The following STPG2 variants were observed in gnomAD, a reference collection of about 807,000 sequenced individuals.
The protein encoded by STPG2 is sperm tail PG-rich repeat containing 2, also known as sperm-tail PG-rich repeat-containing protein 2.
Under a neutral mutation model 54.2 loss-of-function variants are expected in STPG2, and 56 were observed. The ratio of observed to expected loss-of-function variants is 1.03; its 90% CI spans 0.83 to 1.29. The LOEUF (loss-of-function observed/expected upper bound fraction) is 1.29, where lower values mean the gene tolerates loss of function less well. Among genes scored for constraint, STPG2 ranks in the 50% most tolerant of loss-of-function variants. The pLI is 0.00. For synonymous variants in STPG2, 200 were observed against 181.8 expected (o/e 1.10, Z -0.81); for missense variants, 596 against 544.9 (o/e 1.09, Z -0.93).
chr4:97,557,612 T>C (rs1732111149), downstream of STPG2, among the ~76,000 whole-genome samples: 2 of 152,010 alleles, frequency 1.3e-5, no homozygotes, highest in South Asian at 4.1e-4. Context: ...ACCCTTAACC[T>C]TAGCATCACA....
At position 97,570,412 on chromosome 4, in the gene STPG2, G is replaced by A. The variant is rs576031361; in HGVS notation, c.1321-11295C>T. On this transcript the variant is annotated intron_variant, in intron 10 of 10. Transcript: ENST00000295268. ...TTTCTTCCCCAAAATATAAATGATT[G>A]TTGAGCTGAAGACAACTAACAAGAA... 1.2e-3 allele frequency among the ~76,000 whole-genome samples: 186 copies of A among 152,176 alleles called. 2 individuals are homozygous for A. The South Asian group carries it at 0.018, about 15-fold the overall frequency.
chr4:97,935,775 G>C (rs1732727208), intron 8 of STPG2, among the ~76,000 whole-genome samples: 2 of 152,128 alleles, frequency 1.3e-5, no homozygotes, highest in Non-Finnish European at 2.9e-5. Flanking sequence ...TTTTGCATTT[G>C]CTGAGGAGTG....
At chr4:97,450,995 A>G (rs1182795137) in intron 4 of STPG2, among the ~76,000 whole-genome samples, 1 of 152,178 alleles carries the variant, frequency 6.6e-6, no homozygotes, top group African/African-American at 2.4e-5. Context: ...GGTTAGAATT[A>G]CCTTCTGGAG....
chr4:97,583,865 C>G (rs1330746380), intron 10 of STPG2, among the ~76,000 whole-genome samples: 2 of 151,842 alleles, frequency 1.3e-5, no homozygotes, highest in East Asian at 3.9e-4. Context: ...TGGGAGCTCC[C>G]AAATTTATAA....
intron 10 of STPG2, among the ~76,000 whole-genome samples, chr4:97,662,573 C>T (rs1007460575): frequency 6.6e-5 from 10 of 152,216 alleles, no homozygotes; most frequent in Middle Eastern, 3.4e-3. Context: ...ATGTTCACTG[C>T]GATGCTATTC....
chr4:97,535,950 T>A (rs1048513013), intron 4 of STPG2, among the ~76,000 whole-genome samples: 1 of 152,156 alleles, frequency 6.6e-6, no homozygotes, highest in African/African-American at 2.4e-5. Flanking sequence ...TTAAGTTGAA[T>A]AGTTTATTTT....
chr4:98,021,560 C>T (rs189737234), intron 5 of STPG2, among the ~76,000 whole-genome samples: 30 of 152,172 alleles, frequency 2.0e-4, no homozygotes, highest in Admixed American at 1.0e-3. Flanking sequence ...GAGTTTAATT[C>T]CTGGGTATCC....
chr4:97,595,750 C>A (rs1188486498), intron 10 of STPG2, among the ~76,000 whole-genome samples: 9 of 152,114 alleles, frequency 5.9e-5, no homozygotes, highest in Admixed American at 3.3e-4. Context: ...ACCTATCTTA[C>A]AAGTGGTCCT....
intron 5 of STPG2, among the ~76,000 whole-genome samples, chr4:98,056,162 A>G (rs1015686762): frequency 6.6e-6 from 1 of 152,142 alleles, no homozygotes; most frequent in Non-Finnish European, 1.5e-5. Flanking sequence ...GCACAGAGCC[A>G]ACAAGCCCCA....
intron 8 of STPG2, among the ~76,000 whole-genome samples, chr4:97,858,647 G>T (rs1729406650): frequency 6.6e-6 from 1 of 152,108 alleles, no homozygotes; most frequent in Admixed American, 6.6e-5. Flanking sequence ...TGAGAACGTA[G>T]ACATTTGGTT....
intron 8 of STPG2, among the ~76,000 whole-genome samples, chr4:97,915,628 T>A (rs549942023): frequency 6.6e-6 from 1 of 151,944 alleles, no homozygotes; most frequent in African/African-American, 2.4e-5. Context: ...GGAAGGCTTA[T>A]GTTTGACAGA....
intron 3 of STPG2, among the ~76,000 whole-genome samples, chr4:98,122,822 C>A (rs7657490): frequency 6.6e-6 from 1 of 151,690 alleles, no homozygotes; most frequent in African/African-American, 2.4e-5. Context: ...GGGCTTTTTT[C>A]GGTTGGTAGG....
chr4:98,037,052 T>C (rs1053862210), intron 5 of STPG2, among the ~76,000 whole-genome samples: 1 of 151,942 alleles, frequency 6.6e-6, no homozygotes, highest in Non-Finnish European at 1.5e-5. Flanking sequence ...TAGACAAATA[T>C]CTCTCCCAAG....
At chr4:97,576,503 G>A (rs1578400530) in intron 10 of STPG2, among the ~76,000 whole-genome samples, 1 of 151,990 alleles carries the variant, frequency 6.6e-6, no homozygotes, top group African/African-American at 2.4e-5. Flanking sequence ...ATGGGGAAAG[G>A]ACTCCCTTTT....
chr4:98,044,901 G>T (rs1369492799), intron 5 of STPG2, among the ~76,000 whole-genome samples: 1 of 152,086 alleles, frequency 6.6e-6, no homozygotes, highest in Admixed American at 6.6e-5. Context: ...TGGCCATCTA[G>T]CATTCCACAC....
intron 10 of STPG2, among the ~76,000 whole-genome samples, chr4:97,624,611 T>A (rs1012108212): frequency 4.6e-5 from 7 of 152,224 alleles, no homozygotes; most frequent in Admixed American, 1.3e-4. Flanking sequence ...CTGTGCAAAA[T>A]CTCTTTAGTT....
At chr4:98,124,032 G>A (rs1472470585) in intron 3 of STPG2, among the ~76,000 whole-genome samples, 1 of 152,042 alleles carries the variant, frequency 6.6e-6, no homozygotes, top group Non-Finnish European at 1.5e-5. Flanking sequence ...CATTAGCTTG[G>A]TAAATGTTCC....
intron 8 of STPG2, among the ~76,000 whole-genome samples, chr4:97,919,416 T>C (rs1238169822): frequency 1.3e-5 from 2 of 150,460 alleles, no homozygotes; most frequent in South Asian, 4.2e-4. Context: ...TAAATATTGA[T>C]AAACTCCTAG....
intron 8 of STPG2, among the ~76,000 whole-genome samples, chr4:97,855,110 C>T (rs1048016651): frequency 3.9e-5 from 6 of 152,072 alleles, no homozygotes; most frequent in African/African-American, 7.2e-5. Context: ...GCATTGTACT[C>T]CATGGTGTAT....
Sources: allele counts gnomAD v4.1 joint callset (sites outside exome capture counted in the v4.1 genomes callset), GRCh38; gene constraint gnomAD v4.1.1; transcripts MANE v1.5; gene names NCBI Gene and HGNC (gene_info 2026-07-23, HGNC 2026-07-21).